Variants in RABGAP1 observed in about 807,000 individuals in gnomAD.
The protein encoded by RABGAP1 is rab GTPase-activating protein 1.
RABGAP1 carries 23 observed loss-of-function variants against 137.6 expected under a neutral mutation model. The ratio of observed to expected loss-of-function variants is 0.17; its 90% CI spans 0.12 to 0.24. RABGAP1 has a LOEUF of 0.24. RABGAP1 is among the 10% of genes least tolerant of loss of function. RABGAP1 has a pLI of 1.00. For missense variants in RABGAP1, 906 were observed against 1,275.8 expected, an observed-to-expected ratio of 0.71 and a Z score of 4.42; for synonymous variants, 451 against 450.7, an observed-to-expected ratio of 1.00 and a Z score of -0.01.
chr9:123,055,706 C>T (rs556632111), intron 13 of RABGAP1, among the ~76,000 whole-genome samples: 5 of 151,976 alleles, frequency 3.3e-5, no homozygotes, highest in East Asian at 3.9e-4. Context: ...CCTGCCATCA[C>T]GCCTGGCTAA....
intron 21 of RABGAP1, among the ~76,000 whole-genome samples, chr9:123,094,036 T>C (rs1413509168): frequency 1.3e-5 from 2 of 152,234 alleles, no homozygotes; most frequent in African/African-American, 2.4e-5. Flanking sequence ...TTTTTAAATT[T>C]CATCTTCCAG....
intron 3 of RABGAP1, among the ~76,000 whole-genome samples, chr9:122,985,053 A>G (rs1836296543): frequency 1.3e-5 from 2 of 152,050 alleles, no homozygotes; most frequent in Non-Finnish European, 2.9e-5. Context: ...TATTAGAGAA[A>G]TGGAGGGATA....
chr9:123,035,180 T>C, intron 13 of RABGAP1: 1 of 1,613,944 alleles, frequency 6.2e-7, no homozygotes, highest in Non-Finnish European at 8.5e-7. Context: ...CCAGCAGCCC[T>C]TATTGTCTGC....
chr9:122,936,480 AAATAGAGGTT>A (rs2131551707), upstream of RABGAP1, among the ~76,000 whole-genome samples: 1 of 152,272 alleles, frequency 6.6e-6, no homozygotes, highest in East Asian at 1.9e-4. Context: ...CTGGGCTGGT[AAATAGAGGTT>A]AATTTCAGTC....
chr9:123,082,274 CTCATTTAGCTATCCAT>C (rs2034732945), intron 19 of RABGAP1, among the ~76,000 whole-genome samples: 1 of 152,124 alleles, frequency 6.6e-6, no homozygotes, highest in South Asian at 2.1e-4. Flanking sequence ...TACCTTAGAA[CTCATTTAGCTATCCAT>C]TGAACTTCTC....
intron 2 of RABGAP1, among the ~76,000 whole-genome samples, chr9:122,977,663 G>A (rs767884133): frequency 1.6e-4 from 25 of 152,058 alleles, no homozygotes; most frequent in Non-Finnish European, 3.2e-4. Flanking sequence ...CAGAGATTGC[G>A]CCACTGTACT....
intron 13 of RABGAP1, chr9:123,034,544 G>T (rs1359173497): frequency 5.3e-6 from 8 of 1,498,326 alleles, no homozygotes; most frequent in Non-Finnish European, 6.4e-6. Context: ...AGCATGAAGT[G>T]ACAGATCACT....
chr9:122,976,586 G>C (rs1050101242), intron 2 of RABGAP1, among the ~76,000 whole-genome samples: 7 of 152,178 alleles, frequency 4.6e-5, no homozygotes, highest in Non-Finnish European at 8.8e-5. Flanking sequence ...CAGTATCCAA[G>C]TAGGATAAAA....
chr9:122,971,822 AGAAGG>A (rs1403930135), intron 2 of RABGAP1: 1 of 152,242 alleles, frequency 6.6e-6, no homozygotes, highest in Non-Finnish European at 1.5e-5. Context: ...AATTAAGATG[AGAAGG>A]ACCAACCATC....
At chr9:123,015,289 C>CTTTTTT (rs34492374) in intron 11 of RABGAP1, among the ~76,000 whole-genome samples, 11 of 121,688 alleles carry the variant, frequency 9.0e-5, no homozygotes, top group Non-Finnish European at 1.8e-4. Context: ...TAAATAGCTC[C>CTTTTTT]TTTTTTTTTT....
chr9:123,054,059 G>C (rs1400298573), intron 13 of RABGAP1, among the ~76,000 whole-genome samples: 1 of 152,216 alleles, frequency 6.6e-6, no homozygotes, highest in East Asian at 1.9e-4. Flanking sequence ...TTAAAACCAA[G>C]ATGGGGAGAA....
At chr9:122,944,621 A>G (rs1182861136) in intron 1 of RABGAP1, among the ~76,000 whole-genome samples, 1 of 151,658 alleles carries the variant, frequency 6.6e-6, no homozygotes, top group Non-Finnish European at 1.5e-5. Context: ...CCCAGGCTGG[A>G]GTGCAGTGGC....
chr9:123,035,418 C>G lies in RABGAP1; in HGVS notation c.1794+14959C>G, dbSNP rs370690398. 3.7e-6 allele frequency: 6 copies of G among 1,614,012 alleles called. No individual in the cohort carries two copies. In the East Asian group the frequency reaches 1.3e-4, roughly 36 times the overall value. On this transcript the variant is annotated intron_variant, in intron 13 of 25. Transcript: ENST00000373647. ...GCTCCACTGGCCACAGCAACCGCTT[C>G]GCATCCTTCTTGACCACCTGGCTTG...
intron 2 of RABGAP1, among the ~76,000 whole-genome samples, chr9:122,961,890 A>G (rs1834873262): frequency 6.6e-6 from 1 of 152,218 alleles, no homozygotes; most frequent in Non-Finnish European, 1.5e-5. Flanking sequence ...TTGGGCTAGG[A>G]AATAACTCCA....
chr9:123,025,614 AT>A (rs1439940169), intron 13 of RABGAP1, among the ~76,000 whole-genome samples: 1 of 107,020 alleles, frequency 9.3e-6, no homozygotes, highest in Non-Finnish European at 2.0e-5. Context: ...TTATTGTTAA[AT>A]TGGTTCCTAA....
chr9:123,090,669 C>G (rs1329466135), intron 21 of RABGAP1, among the ~76,000 whole-genome samples: 1 of 152,200 alleles, frequency 6.6e-6, no homozygotes, highest in Non-Finnish European at 1.5e-5. Context: ...TCTTACATTA[C>G]TATAATTGGC....
chr9:122,984,764 T>A (rs751473712), intron 3 of RABGAP1, 45 bp downstream of exon 3: 2 of 1,543,578 alleles, frequency 1.3e-6, no homozygotes, highest in Non-Finnish European at 8.9e-7. Flanking sequence ...TTATTGTTTT[T>A]AATATGTGAG....
chr9:122,937,351 C>A (rs981999524), upstream of RABGAP1, among the ~76,000 whole-genome samples: 1 of 152,240 alleles, frequency 6.6e-6, no homozygotes, highest in South Asian at 2.1e-4. Flanking sequence ...GTAATCCCAG[C>A]GCTTTGGGAA....
At chr9:122,953,313 A>G (rs1411922443) in intron 1 of RABGAP1, among the ~76,000 whole-genome samples, 1 of 152,164 alleles carries the variant, frequency 6.6e-6, no homozygotes, top group African/African-American at 2.4e-5. Context: ...TAATTTATAC[A>G]GTAGCTCTAT....
Sources: gnomAD v4.1 joint callset for allele counts (sites outside exome capture counted in the v4.1 genomes callset) on GRCh38, gnomAD v4.1.1 for gene constraint, MANE v1.5 for transcripts, NCBI Gene and HGNC (gene_info 2026-07-23, HGNC 2026-07-21) for gene names.